MGMT: variants seen among roughly 807,000 people sequenced by gnomAD.
MGMT encodes methylated-DNA--protein-cysteine methyltransferase.
A neutral mutation model predicts 15.9 loss-of-function variants in MGMT; 14 were observed. The ratio of observed to expected loss-of-function variants is 0.88; its 90% CI spans 0.58 to 1.37. The LOEUF is 1.37. Among genes scored for constraint, MGMT ranks in the 40% most tolerant of loss-of-function variants. The pLI is 0.00. For missense variants in MGMT, 282 were observed against 268.1 expected, an observed-to-expected ratio of 1.05 and a Z score of -0.36; for synonymous variants, 130 against 118.2, an observed-to-expected ratio of 1.10 and a Z score of -0.65.
chr10:129,570,490 A>G (rs1846405515), intron 2 of MGMT, among the ~76,000 whole-genome samples: 1 of 152,264 alleles, frequency 6.6e-6, no homozygotes. Context: ...TACAAAGTCT[A>G]TTTTCAAACC....
intron 2 of MGMT, among the ~76,000 whole-genome samples, chr10:129,625,972 C>G (rs1564741073): frequency 6.6e-6 from 1 of 152,220 alleles, no homozygotes; most frequent in African/African-American, 2.4e-5. Flanking sequence ...CCAGAAAAGA[C>G]AAGTTTTCCT....
In MGMT at chr10:129,627,023, T is replaced by G. The variant is rs1248723260; in HGVS notation, c.126-80872T>G. Reference sequence around the variant, plus strand: ...GGACGGAGGCAGCTGCCACCCGCCGTGTCCCTCACGCTGGCTTTCAGAAGG... The same window carrying G: ...GGACGGAGGCAGCTGCCACCCGCCGGGTCCCTCACGCTGGCTTTCAGAAGG... On this transcript the variant is annotated intron_variant, in intron 2 of 4. Coordinates refer to ENST00000651593, the MANE Select transcript of MGMT (RefSeq NM_002412.5). Among the ~76,000 whole-genome samples the G allele has an allele frequency of 2.0e-5, 3 of 152,180 alleles. No homozygotes were observed. In the East Asian group the frequency reaches 5.8e-4, roughly 29 times the overall value.
At chr10:129,682,924 T>C (rs7093369) in intron 2 of MGMT, among the ~76,000 whole-genome samples, 87,610 of 152,106 alleles carry the variant, frequency 0.58, 26,561 homozygotes, top group African/African-American at 0.76. Context: ...TCTTGGCTCA[T>C]TGCAAACTTC....
intron 2 of MGMT, among the ~76,000 whole-genome samples, chr10:129,550,407 A>G (rs897390150): frequency 4.0e-5 from 6 of 149,406 alleles, no homozygotes; most frequent in African/African-American, 1.5e-4. Context: ...TTCCGCAGCC[A>G]TCACCACCAC....
rs1848942429 is a variant in MGMT at position 129,766,847 on chromosome 10, C to T, written c.474C>T (p.Tyr158=). 6.2e-7 allele frequency: 1 copy of T among 1,613,756 alleles called. No individual in the cohort carries two copies. The highest frequency in any genetic ancestry group is 2.2e-5 in the East Asian group (1 of 44,870). ...GCAGCAGCGGAGCCGTGGGCAACTA[C>T]TCCGGAGGACTGGCCGTGAAGGAAT... is the stretch of plus-strand genomic sequence containing the variant. ...VVCSSGAVGN[Y]SGGLAVKEWL... Residue 158 remains tyrosine, a synonymous_variant, in exon 5 of 5, where the codon TAC becomes TAT. Transcript: ENST00000651593.
intron 1 of MGMT, among the ~76,000 whole-genome samples, chr10:129,488,002 TATAC>T (rs1424997493): frequency 0.083 from 6,308 of 75,776 alleles, 569 homozygotes; most frequent in African/African-American, 0.26. Flanking sequence ...CACACATAGG[TATAC>T]ACACACACAC....
At chr10:129,506,209 A>C (rs955401095) in intron 1 of MGMT, among the ~76,000 whole-genome samples, 1 of 151,992 alleles carries the variant, frequency 6.6e-6, no homozygotes, top group African/African-American at 2.4e-5. Flanking sequence ...ACAAAGAGGA[A>C]TTCTCTCTCC....
chr10:129,502,466 C>G (rs1845584079), intron 1 of MGMT, among the ~76,000 whole-genome samples: 1 of 152,036 alleles, frequency 6.6e-6, no homozygotes, highest in Admixed American at 6.6e-5. Flanking sequence ...AGCTGCCTTT[C>G]TCTGTGGTAT....
At chr10:129,536,627 T>C (rs889878121) in intron 2 of MGMT, 5 of 402,846 alleles carry the variant, frequency 1.2e-5, no homozygotes, top group Non-Finnish European at 2.2e-5. Context: ...CTTTCATTAG[T>C]AGCTCTAAGA....
At chr10:129,600,405 C>T (rs535268318) in intron 2 of MGMT, among the ~76,000 whole-genome samples, 15 of 152,178 alleles carry the variant, frequency 9.9e-5, no homozygotes, top group Non-Finnish European at 1.9e-4. Context: ...GTTAAAATCA[C>T]ATCTTTATAG....
At chr10:129,521,030 G>A (rs1467278145) in intron 1 of MGMT, among the ~76,000 whole-genome samples, 2 of 149,820 alleles carry the variant, frequency 1.3e-5, no homozygotes, top group African/African-American at 5.0e-5. Context: ...GGCTTGCCCC[G>A]CCACCTGCTG....
At chr10:129,732,375 G>T (rs1172554949) in intron 3 of MGMT, among the ~76,000 whole-genome samples, 1 of 127,722 alleles carries the variant, frequency 7.8e-6, no homozygotes, top group African/African-American at 3.0e-5. Context: ...TCATTGTTCA[G>T]TTCCCACCTG....
intron 2 of MGMT, among the ~76,000 whole-genome samples, chr10:129,554,880 C>T (rs1049853900): frequency 2.0e-5 from 3 of 152,122 alleles, no homozygotes; most frequent in Admixed American, 6.5e-5. Context: ...GTCTCCGGAG[C>T]GAGATTCCTA....
intron 3 of MGMT, among the ~76,000 whole-genome samples, chr10:129,750,892 T>C (rs1000571518): frequency 1.3e-5 from 2 of 152,156 alleles, no homozygotes; most frequent in African/African-American, 2.4e-5. Context: ...AGCCTTGCTT[T>C]CCTGGGACAA....
At chr10:129,611,207 T>C (rs1846955562) in intron 2 of MGMT, among the ~76,000 whole-genome samples, 1 of 152,148 alleles carries the variant, frequency 6.6e-6, no homozygotes, top group African/African-American at 2.4e-5. Flanking sequence ...GACTGGGTAA[T>C]TTATGAAAGA....
At chr10:129,633,347 G>C (rs200322606) in intron 2 of MGMT, among the ~76,000 whole-genome samples, 5 of 152,148 alleles carry the variant, frequency 3.3e-5, no homozygotes, top group African/African-American at 1.2e-4. Flanking sequence ...ATGAGACTGC[G>C]TAGTCAGGGA....
intron 1 of MGMT, 43 bp downstream of exon 1, chr10:129,467,339 C>T (rs762544477): frequency 9.8e-5 from 148 of 1,512,402 alleles, no homozygotes; most frequent in Non-Finnish European, 1.2e-4. Context: ...GTGCGGAGCT[C>T]TCCCTCGGGA....
intron 1 of MGMT, among the ~76,000 whole-genome samples, chr10:129,486,276 C>T (rs577097314): frequency 3.7e-4 from 56 of 149,684 alleles, no homozygotes; most frequent in Non-Finnish European, 5.9e-4. Flanking sequence ...CGACCTCTGT[C>T]TCCTGGGTTT....
rs566681602 is a variant in MGMT, at chr10:129,579,333, C to T, written c.125+42956C>T. 5.9e-5 allele frequency among the ~76,000 whole-genome samples: 9 copies of T among 152,342 alleles called. 1 individual carries two copies. In the South Asian group the frequency reaches 1.9e-3, roughly 32 times the overall value. On this transcript the variant is annotated intron_variant, in intron 2 of 4. Coordinates refer to ENST00000651593, the MANE Select transcript of MGMT (RefSeq NM_002412.5). ...CCACACCTGTGCTCACCTGTACCTG[C>T]CTACCTGTGGCTGGGCCAGGCCCCA...
Sources: gnomAD v4.1 joint callset for allele counts (sites outside exome capture counted in the v4.1 genomes callset) on GRCh38, gnomAD v4.1.1 for gene constraint, MANE v1.5 for transcripts, NCBI Gene and HGNC (gene_info 2026-07-23, HGNC 2026-07-21) for gene names.